Variants in CMSS1 observed in about 807,000 individuals in gnomAD.
CMSS1 encodes the protein cms1 ribosomal small subunit homolog.
In CMSS1, 33 loss-of-function variants were observed where a neutral mutation model predicts 43.5. That is an observed-to-expected ratio of 0.76 (90% CI 0.57 to 1.01). CMSS1 has a LOEUF of 1.01. Among genes scored for constraint, CMSS1 ranks in the 50% least tolerant of loss-of-function variants. CMSS1 has a pLI of 0.00. For missense variants in CMSS1, 313 were observed against 326.4 expected (o/e 0.96, Z 0.32); for synonymous variants, 115 against 117.2 (o/e 0.98, Z 0.12).
Position 99,968,682 on chromosome 3 carries a change from C to T in CMSS1, c.64+150639C>T, listed in dbSNP as rs553140491. On this transcript the variant is annotated intron_variant, in intron 1 of 9. Transcript: ENST00000421999. Reference sequence around the variant, plus strand: ...TAAGAAGCAAACAAAAGACAAGGAACCCATGAGGGAGACTGGAAAGGAAAA... The same window carrying T: ...TAAGAAGCAAACAAAAGACAAGGAATCCATGAGGGAGACTGGAAAGGAAAA... 6.6e-5 allele frequency among the ~76,000 whole-genome samples: 10 copies of T among 152,092 alleles called. No homozygotes were observed. The East Asian group carries it at 1.9e-3, about 29-fold the overall frequency.
intron 1 of CMSS1, among the ~76,000 whole-genome samples, chr3:100,097,969 A>G (rs1487313384): frequency 1.3e-5 from 2 of 152,214 alleles, no homozygotes; most frequent in Non-Finnish European, 2.9e-5. Flanking sequence ...AGCATATCTG[A>G]CAAGGTAATA....
chr3:100,065,971 G>T (rs2065656558), intron 1 of CMSS1, among the ~76,000 whole-genome samples: 1 of 152,196 alleles, frequency 6.6e-6, no homozygotes, highest in South Asian at 2.1e-4. Flanking sequence ...TTCTGAATCA[G>T]AAACTCTGGG....
chr3:99,837,364 T>G (rs1942943659), intron 1 of CMSS1, among the ~76,000 whole-genome samples: 2 of 150,980 alleles, frequency 1.3e-5, no homozygotes, highest in African/African-American at 4.9e-5. Context: ...TCAGGCACAG[T>G]GAATTCAGGC....
chr3:99,882,847 T>C (rs1159348432), intron 1 of CMSS1, among the ~76,000 whole-genome samples: 2 of 152,226 alleles, frequency 1.3e-5, no homozygotes, highest in Non-Finnish European at 2.9e-5. Context: ...TAGAAATGTT[T>C]TCTTTTGTTG....
At chr3:99,841,450 C>G (rs968320219) in intron 1 of CMSS1, among the ~76,000 whole-genome samples, 1 of 152,178 alleles carries the variant, frequency 6.6e-6, no homozygotes, top group African/African-American at 2.4e-5. Flanking sequence ...GGTCCTCTCT[C>G]GGAAGTCTCA....
chr3:99,942,903 AAAG>A (rs1416074044), intron 1 of CMSS1, among the ~76,000 whole-genome samples: 1 of 152,098 alleles, frequency 6.6e-6, no homozygotes, highest in East Asian at 1.9e-4. Flanking sequence ...AAAGGGGAGA[AAAG>A]AAGAAGGAAG....
chr3:100,115,593 C>G (rs1033641291), intron 1 of CMSS1, among the ~76,000 whole-genome samples: 58 of 55,554 alleles, frequency 1.0e-3, no homozygotes, highest in Admixed American at 3.1e-3. Flanking sequence ...CTCTCTCTCT[C>G]TCTCTCTCTC....
intron 1 of CMSS1, among the ~76,000 whole-genome samples, chr3:100,119,761 G>A (rs907911514): frequency 6.6e-6 from 1 of 152,210 alleles, no homozygotes; most frequent in African/African-American, 2.4e-5. Context: ...TTCCAGGGTT[G>A]TAAACTTTTG....
At chr3:100,113,034 T>G (rs773665681) in intron 1 of CMSS1, among the ~76,000 whole-genome samples, 1 of 152,238 alleles carries the variant, frequency 6.6e-6, no homozygotes, top group Admixed American at 6.5e-5. Context: ...TTCTCCTTTA[T>G]GCATATCTAA....
intron 1 of CMSS1, among the ~76,000 whole-genome samples, chr3:99,914,220 C>A (rs540864862): frequency 6.6e-6 from 1 of 152,208 alleles, no homozygotes; most frequent in East Asian, 1.9e-4. Context: ...GATTTGGACT[C>A]TAAGACTTGA....
In CMSS1 at chr3:100,162,202, C is replaced by G. The variant is rs113281835; in HGVS notation, c.226-101C>G. ...ACCCACATTCACACTTGGCTAACAC[C>G]AAAAGCTATGTGCCGTTTAAATGCC... On this transcript the variant is annotated intron_variant, in intron 3 of 9. Transcript: ENST00000421999. 156 of 975,036 alleles carry G rather than the reference C, an allele frequency of 1.6e-4. No individual in the cohort carries two copies. The African/African-American group carries it at 2.3e-3, about 15-fold the overall frequency. 60.4% of individuals were successfully genotyped at this position (975,036 alleles called of 1,614,324 possible).
intron 1 of CMSS1, among the ~76,000 whole-genome samples, chr3:99,994,570 T>A (rs1463697254): frequency 6.6e-6 from 1 of 152,098 alleles, no homozygotes; most frequent in African/African-American, 2.4e-5. Context: ...TAGAAATCAA[T>A]ACAAGAGGAA....
intron 1 of CMSS1, among the ~76,000 whole-genome samples, chr3:100,081,404 C>CAT (rs1268569197): frequency 6.6e-6 from 1 of 152,202 alleles, no homozygotes; most frequent in Non-Finnish European, 1.5e-5. Context: ...AGCCCACTGT[C>CAT]ATACTCTTAA....
intron 1 of CMSS1, among the ~76,000 whole-genome samples, chr3:100,128,135 A>G (rs1261706610): frequency 2.0e-5 from 3 of 152,248 alleles, no homozygotes; most frequent in Non-Finnish European, 4.4e-5. Flanking sequence ...CAAAGTGCTT[A>G]GCACAATGCC....
At chr3:100,157,533 G>C (rs941731232) in intron 2 of CMSS1, among the ~76,000 whole-genome samples, 1 of 152,154 alleles carries the variant, frequency 6.6e-6, no homozygotes, top group Non-Finnish European at 1.5e-5. Context: ...TAACAAGCTG[G>C]ATTTTTTACT....
intron 1 of CMSS1, among the ~76,000 whole-genome samples, chr3:99,831,448 A>G (rs1370295988): frequency 6.6e-6 from 1 of 152,174 alleles, no homozygotes; most frequent in Non-Finnish European, 1.5e-5. Flanking sequence ...ATGCTATGAG[A>G]AAAAGGAACA....
At chr3:100,100,071 C>A (rs2066278465) in intron 1 of CMSS1, among the ~76,000 whole-genome samples, 1 of 152,020 alleles carries the variant, frequency 6.6e-6, no homozygotes, top group South Asian at 2.1e-4. Context: ...GAGGAGTGGG[C>A]AAGTGTGGCA....
At chr3:99,828,472 A>G (rs1289793735) in intron 1 of CMSS1, among the ~76,000 whole-genome samples, 4 of 149,138 alleles carry the variant, frequency 2.7e-5, no homozygotes, top group African/African-American at 9.9e-5. Flanking sequence ...TTTCCCCACA[A>G]ACAAGGTCTT....
intron 1 of CMSS1, among the ~76,000 whole-genome samples, chr3:99,833,656 A>G (rs1302971438): frequency 6.6e-6 from 1 of 152,264 alleles, no homozygotes; most frequent in African/African-American, 2.4e-5. Context: ...TGTATTGACA[A>G]CGTGTTGTGT....
Sources: allele counts gnomAD v4.1 joint callset (sites outside exome capture counted in the v4.1 genomes callset), GRCh38; gene constraint gnomAD v4.1.1; transcripts MANE v1.5; gene names NCBI Gene and HGNC (gene_info 2026-07-23, HGNC 2026-07-21).